Variants in SLC12A6 observed in about 807,000 individuals in gnomAD.
SLC12A6 encodes the protein solute carrier family 12 member 6, also known as K-Cl cotransporter 3.
Under a neutral mutation model 135.3 loss-of-function variants are expected in SLC12A6, and 66 were observed. The observed-to-expected ratio is 0.49, with a 90% CI of 0.40 to 0.60. SLC12A6 has a LOEUF of 0.60. SLC12A6 is among the 20% of genes least tolerant of loss of function. The pLI is 0.00. For synonymous variants in SLC12A6, 513 were observed against 508.8 expected (o/e 1.01, Z -0.11); for missense variants, 1,058 against 1,452.3 (o/e 0.73, Z 4.41).
In SLC12A6 at chr15:34,267,467, G is replaced by A. The variant is rs141352942; in HGVS notation, c.317-6447C>T. On this transcript the variant is annotated intron_variant, in intron 3 of 25. Coordinates refer to ENST00000354181, the MANE Select transcript of SLC12A6 (RefSeq NM_001365088.1). The stretch of plus-strand genomic sequence containing the variant: ...ATTTTGGAGCAAATAATTACTGTGA[G>A]GGACTGTCCTGTGCACTGTAGAATA... 1.5e-3 allele frequency among the ~76,000 whole-genome samples: 227 copies of A among 152,282 alleles called. 1 individual carries two copies. The highest frequency in any genetic ancestry group is 5.4e-3 in the African/African-American group (223 of 41,562).
intron 3 of SLC12A6, among the ~76,000 whole-genome samples, chr15:34,270,687 C>T (rs181980032): frequency 1.3e-5 from 2 of 152,114 alleles, no homozygotes; most frequent in African/African-American, 2.4e-5. Flanking sequence ...CCTGTAATCC[C>T]AGCCACTTGG....
At chr15:34,297,382 A>G (rs1425454835) in intron 2 of SLC12A6, among the ~76,000 whole-genome samples, 1 of 152,258 alleles carries the variant, frequency 6.6e-6, no homozygotes, top group Non-Finnish European at 1.5e-5. Flanking sequence ...TAGAAAGATT[A>G]CAAAGGTAGT....
chr15:34,302,208 A>C (rs1040464118), intron 2 of SLC12A6, among the ~76,000 whole-genome samples: 1 of 152,198 alleles, frequency 6.6e-6, no homozygotes, highest in South Asian at 2.1e-4. Context: ...AGATTTAATA[A>C]AGGCCAAAGT....
rs1467721346 is a variant in SLC12A6, at chr15:34,230,952, C to T, written c.*2929G>A. 6.6e-6 allele frequency: 1 copy of T among 152,188 alleles called. No individual in the cohort carries two copies. The highest frequency in any genetic ancestry group is 1.5e-5 in the Non-Finnish European group (1 of 68,032). The allele number at this position is 152,188 out of a possible 1,614,324, so 9.4% of individuals were successfully genotyped here. Reference sequence around the variant, plus strand: ...TTCTAAAACTAACTTTACTTTCTGCCCATAATTTGTTCTACATGGAAAAAA... The same window carrying T: ...TTCTAAAACTAACTTTACTTTCTGCTCATAATTTGTTCTACATGGAAAAAA... On this transcript the variant is annotated 3_prime_UTR_variant, in exon 26 of 26. Coordinates refer to ENST00000354181, the MANE Select transcript of SLC12A6 (RefSeq NM_001365088.1).
At chr15:34,240,411 T>C (rs570951274) in intron 19 of SLC12A6, among the ~76,000 whole-genome samples, 2 of 152,270 alleles carry the variant, frequency 1.3e-5, no homozygotes, top group South Asian at 2.1e-4. Flanking sequence ...ATGTTTGGAG[T>C]ATATTTGAAC....
chr15:34,326,694 T>C (rs1478984460), intron 2 of SLC12A6, among the ~76,000 whole-genome samples: 5 of 164 alleles, frequency 0.03, no homozygotes, highest in East Asian at 0.17. Flanking sequence ...TTTTATTACT[T>C]TTTTTTTTTT....
intron 10 of SLC12A6, 147 bp from the exon 11 acceptor site, chr15:34,251,204 C>G: frequency 3.0e-6 from 2 of 663,918 alleles, no homozygotes; most frequent in Non-Finnish European, 5.4e-6. Flanking sequence ...TGTATACACA[C>G]ACATTGCACA....
chr15:34,334,154 C>T (rs1437592413), intron 2 of SLC12A6, among the ~76,000 whole-genome samples: 1 of 151,430 alleles, frequency 6.6e-6, no homozygotes, highest in Non-Finnish European at 1.5e-5. Flanking sequence ...TGACAAGAAA[C>T]TTCGGGTGGG....
intron 1 of SLC12A6, chr15:34,337,032 C>T (rs77041924): frequency 5.7e-6 from 2 of 352,180 alleles, no homozygotes; most frequent in Admixed American, 8.9e-5. Context: ...GGTCTCAGGG[C>T]AGCAGATGAA....
intron 8 of SLC12A6, 65 bp from the exon 9 acceptor site, chr15:34,254,654 T>C: frequency 8.0e-7 from 1 of 1,248,274 alleles, no homozygotes; most frequent in Non-Finnish European, 1.2e-6. Context: ...AAGGCTGTAT[T>C]CGTTTGCATT....
At chr15:34,283,644 T>C (rs1894834460) in intron 2 of SLC12A6, among the ~76,000 whole-genome samples, 1 of 152,168 alleles carries the variant, frequency 6.6e-6, no homozygotes, top group Non-Finnish European at 1.5e-5. Context: ...ACAAAGTGTT[T>C]TTTTTTTAAA....
chr15:34,335,605 C>T (rs1224280911), intron 2 of SLC12A6, among the ~76,000 whole-genome samples: 1 of 152,162 alleles, frequency 6.6e-6, no homozygotes, highest in Non-Finnish European at 1.5e-5. Flanking sequence ...TATGATCTCC[C>T]CATTTTCTCT....
intron 2 of SLC12A6, among the ~76,000 whole-genome samples, chr15:34,278,164 C>T (rs1022675044): frequency 2.6e-5 from 4 of 152,302 alleles, no homozygotes; most frequent in Middle Eastern, 3.4e-3. Context: ...CAGCGGCTCA[C>T]GCCTGTAATT....
chr15:34,241,835 C>T (rs548267256), intron 17 of SLC12A6, among the ~76,000 whole-genome samples: 1 of 152,296 alleles, frequency 6.6e-6, no homozygotes, highest in Admixed American at 6.5e-5. Context: ...AAAATATTTA[C>T]ATTTGTGTTG....
At chr15:34,246,076 G>A (rs748143238) in intron 13 of SLC12A6, among the ~76,000 whole-genome samples, 2 of 152,048 alleles carry the variant, frequency 1.3e-5, no homozygotes, top group Non-Finnish European at 2.9e-5. Context: ...GAGATCACAG[G>A]TGTGCACCAA....
chr15:34,274,313 A>G (rs949911300), intron 3 of SLC12A6, among the ~76,000 whole-genome samples: 1 of 152,240 alleles, frequency 6.6e-6, no homozygotes, highest in African/African-American at 2.4e-5. Context: ...AGATAGTCAT[A>G]TATAATACAA....
chr15:34,278,232 G>A (rs187413505), intron 2 of SLC12A6, among the ~76,000 whole-genome samples: 3 of 152,184 alleles, frequency 2.0e-5, no homozygotes, highest in Admixed American at 6.5e-5. Context: ...TTCGAGACCA[G>A]CCTGACCAAC....
intron 3 of SLC12A6, among the ~76,000 whole-genome samples, chr15:34,269,597 T>G (rs1893771532): frequency 6.6e-6 from 1 of 152,370 alleles, no homozygotes; most frequent in Middle Eastern, 3.4e-3. Flanking sequence ...AAATGCTACA[T>G]GTTTTTGATT....
At chr15:34,237,197 G>T in intron 22 of SLC12A6, 1 of 494,700 alleles carries the variant, frequency 2.0e-6, no homozygotes, top group South Asian at 2.1e-5. Context: ...TAAGGGCTGT[G>T]TAATAAACAA....
Sources: gnomAD v4.1 joint callset for allele counts (sites outside exome capture counted in the v4.1 genomes callset) on GRCh38, gnomAD v4.1.1 for gene constraint, MANE v1.5 for transcripts, NCBI Gene and HGNC (gene_info 2026-07-23, HGNC 2026-07-21) for gene names.